The following PVALEF variants were observed in gnomAD, a reference collection of about 807,000 sequenced individuals.
PVALEF encodes the protein parvalbumin like EF-hand containing.
PVALEF carries 2 observed loss-of-function variants against 1.2 expected under a neutral mutation model. The ratio of observed to expected loss-of-function variants is 1.68; its 90% CI spans 0.69 to 5.28. The LOEUF (loss-of-function observed/expected upper bound fraction) is 5.28. Ranked by LOEUF, PVALEF falls within the 30% of genes most tolerant of loss-of-function variation. The pLI is 0.06. For synonymous variants in PVALEF, 16 were observed against 6.5 expected, an observed-to-expected ratio of 2.47 and a Z score of -2.24; for missense variants, 35 against 17.7, an observed-to-expected ratio of 1.97 and a Z score of -1.75.
Position 81,182,090 on chromosome 17 carries a change from A to G in PVALEF, c.358+9A>G. 1 of 398,738 alleles carries G rather than the reference A, an allele frequency of 2.5e-6. No homozygotes were observed. The highest frequency in any genetic ancestry group is 1.3e-4 in the South Asian group (1 of 7,864). 24.7% of individuals were successfully genotyped at this position (398,738 alleles called of 1,614,324 possible). On this transcript the variant is annotated intron_variant, in intron 6 of 6. Transcript: ENST00000637878. ...GAGGATCAACTACGAAGGTGGGGGC[A>G]GCACAGCCGGGGCACCCTCAGGACC...
chr17:81,181,563 C>T lies in PVALEF; in HGVS notation c.111C>T (p.Ser37=). Residue 37 remains serine (S), a synonymous_variant, in exon 5 of 7, where the codon TCC becomes TCT. Coordinates refer to ENST00000637878, the MANE Select transcript of PVALEF (RefSeq NM_001354639.2). ...LLPTDMRHHG[S]FNYLKFFKHI... is the part of the protein sequence containing the mutation. Reference sequence around the variant, plus strand: ...AGCCCCGCCTGGTTGCCCCAGGGTCCTTCAACTACCTCAAGTTCTTCAAGC... The same window carrying T: ...AGCCCCGCCTGGTTGCCCCAGGGTCTTTCAACTACCTCAAGTTCTTCAAGC... 2.2e-6 allele frequency: 1 copy of T among 451,184 alleles called. No individual in the cohort carries two copies. 27.9% of individuals were successfully genotyped at this position (451,184 alleles called of 1,614,324 possible). A position where few individuals can be genotyped will look rare whatever the true frequency, so the allele number is the denominator to read the frequency against.
intron 2 of PVALEF, among the ~76,000 whole-genome samples, chr17:81,170,505 G>T (rs566756836): frequency 6.6e-6 from 1 of 152,150 alleles, no homozygotes; most frequent in East Asian, 1.9e-4. Context: ...CAGGTATCAG[G>T]GTCAGGACTT....
chr17:81,177,192 G>T (rs2061538519), intron 2 of PVALEF, among the ~76,000 whole-genome samples: 1 of 137,974 alleles, frequency 7.2e-6, no homozygotes. Context: ...CTCCCAAAGT[G>T]CTGGGATTGC....
At position 81,183,125 on chromosome 17, in the gene PVALEF, C is replaced by T; in HGVS notation, c.*114C>T. On this transcript the variant is annotated 3_prime_UTR_variant, in exon 7 of 7. Coordinates refer to ENST00000637878, the MANE Select transcript of PVALEF (RefSeq NM_001354639.2). ...GAGGCGGCAGCCGTGAGGGTGGACC[C>T]AGCTTTTGAAGGAAAATGGAAGAAA... The T allele has an allele frequency of 2.5e-6, 1 of 398,140 alleles. No homozygotes were observed. Among genetic ancestry groups the T allele is most frequent in the East Asian group, 3.6e-5 (1 of 28,046 alleles). The allele number at this position is 398,140 out of a possible 1,614,324, so 24.7% of individuals were successfully genotyped here. A position where few individuals can be genotyped will look rare whatever the true frequency, so the allele number is the denominator to read the frequency against.
chr17:81,165,907 C>CG (rs2061484699), intron 1 of PVALEF, 160 bp downstream of exon 1: 1 of 1,562,900 alleles, frequency 6.4e-7, no homozygotes, highest in African/African-American at 1.4e-5. Context: ...AGGGAGGCAG[C>CG]GGCGCGCAGG....
chr17:81,173,001 G>A (rs957472685), intron 2 of PVALEF, among the ~76,000 whole-genome samples: 3 of 152,134 alleles, frequency 2.0e-5, no homozygotes, highest in Non-Finnish European at 2.9e-5. Context: ...CTTCACTGTC[G>A]TTATTGGGGT....
intron 1 of PVALEF, 41 bp downstream of exon 1, chr17:81,165,788 G>C: frequency 2.7e-6 from 4 of 1,504,216 alleles, no homozygotes; most frequent in Non-Finnish European, 3.6e-6. Context: ...CGAGATCTGG[G>C]GCCGCCAGGG....
Position 81,165,528 on chromosome 17 carries a change from G to A in PVALEF, c.-727G>A. The stretch of plus-strand genomic sequence containing the variant: ...CTGAGAATCGCTCCCAGCCTGGGAA[G>A]AAGCCTCCCACGCCAGGGCCCCGGA... On this transcript the variant is annotated 5_prime_UTR_variant, in exon 1 of 7. Transcript: ENST00000637878. 1.3e-6 allele frequency: 1 copy of A among 794,950 alleles called. No individual in the cohort carries two copies. The highest frequency in any genetic ancestry group is 1.8e-6 in the Non-Finnish European group (1 of 547,544). 49.2% of individuals were successfully genotyped at this position (794,950 alleles called of 1,614,324 possible).
rs568462471 is a variant in PVALEF, at chr17:81,172,762, T to TCAAAA, written c.-340+5939_-340+5943dup. Among the ~76,000 whole-genome samples the TCAAAA allele has an allele frequency of 3.0e-4, 46 of 151,792 alleles. No individual in the cohort carries two copies. In the East Asian group the frequency reaches 6.2e-3, roughly 21 times the overall value. On this transcript the variant is annotated intron_variant, in intron 2 of 6. Transcript: ENST00000637878. The stretch of plus-strand genomic sequence containing the variant: ...CTGGGCGACAGAGCGAGACTCTGTC[T>TCAAAA]CAAAACAAAACAAAACAAAACAAAA...
chr17:81,177,233 T>A (rs1598250059), intron 2 of PVALEF, among the ~76,000 whole-genome samples: 1 of 74,324 alleles, frequency 1.3e-5, no homozygotes, highest in African/African-American at 4.8e-5. Flanking sequence ...GGCTTGAAAC[T>A]CCATCTCAAA....
At chr17:81,170,758 G>T (rs947741159) in intron 2 of PVALEF, among the ~76,000 whole-genome samples, 2 of 152,166 alleles carry the variant, frequency 1.3e-5, no homozygotes, top group African/African-American at 4.8e-5. Context: ...GAGCCCCAAG[G>T]ATGCCCCTGC....
In PVALEF at chr17:81,166,766, A is replaced by G. The variant is rs1055718285; in HGVS notation, c.-418A>G. On this transcript the variant is annotated 5_prime_UTR_variant, in exon 2 of 7. Coordinates refer to ENST00000637878, the MANE Select transcript of PVALEF (RefSeq NM_001354639.2). Reference sequence around the variant, plus strand: ...AGTGGGGGTGGCTGGCTTTGCACACAGGCCTGCTCCTGTACCGTGCTGCGA... The same window carrying G: ...AGTGGGGGTGGCTGGCTTTGCACACGGGCCTGCTCCTGTACCGTGCTGCGA... The G allele has an allele frequency of 6.8e-5, 31 of 456,588 alleles. 1 individual carries two copies. The highest frequency in any genetic ancestry group is 5.8e-4 in the African/African-American group (29 of 50,048). The allele number at this position is 456,588 out of a possible 1,614,324, so 28.3% of individuals were successfully genotyped here.
chr17:81,177,335 G>A (rs1230384177), intron 2 of PVALEF, among the ~76,000 whole-genome samples: 1 of 151,198 alleles, frequency 6.6e-6, no homozygotes, highest in Non-Finnish European at 1.5e-5. Flanking sequence ...ATCACCTGAG[G>A]TCAGGAGTTC....
intron 3 of PVALEF, among the ~76,000 whole-genome samples, chr17:81,180,414 T>G (rs2061549800): frequency 6.6e-6 from 1 of 151,942 alleles, no homozygotes; most frequent in Non-Finnish European, 1.5e-5. Context: ...GGGCGGGGCC[T>G]GTCCTGAGGG....
Position 81,180,876 on chromosome 17 carries a change from G to A in PVALEF, c.-104-247G>A, listed in dbSNP as rs538734219. The stretch of plus-strand genomic sequence containing the variant: ...GAGGGCCAAGAAGCCCAGGACACCC[G>A]CTTCCCCTTGCGCTCTGAGATAGCT... On this transcript the variant is annotated intron_variant, in intron 3 of 6. Transcript: ENST00000637878. Among the ~76,000 whole-genome samples, 10 of 152,110 alleles carry A rather than the reference G, an allele frequency of 6.6e-5. No homozygotes were observed. In the South Asian group the frequency reaches 1.2e-3, roughly 19 times the overall value.
rs150308088 is a variant in PVALEF at position 81,182,294 on chromosome 17, G to C, written c.358+213G>C. ...CAGGAGGGCTTTGGGAAGGCCAACT[G>C]TGGCAGAGCCAGCGGGTATGGGGTC... On this transcript the variant is annotated intron_variant, in intron 6 of 6. Transcript: ENST00000637878. 5.4e-3 allele frequency among the ~76,000 whole-genome samples: 828 copies of C among 152,356 alleles called. 11 individuals carry two copies. Among genetic ancestry groups the C allele is most frequent in the South Asian group, 7.0e-3 (34 of 4,834 alleles).
intron 1 of PVALEF, among the ~76,000 whole-genome samples, 166 bp from the exon 2 acceptor site, chr17:81,166,511 G>GGGA (rs2061493918): frequency 9.6e-6 from 1 of 103,704 alleles, no homozygotes; most frequent in Non-Finnish European, 2.2e-5. Context: ...GGCGGGGGGG[G>GGGA]GGGAAACGGA....
At chr17:81,165,883 C>A in intron 1 of PVALEF, 136 bp downstream of exon 1, 3 of 1,549,724 alleles carry the variant, frequency 1.9e-6, no homozygotes, top group Non-Finnish European at 1.7e-6. Flanking sequence ...CCAGGGGCAT[C>A]ACGTCCGCAG....
intron 2 of PVALEF, among the ~76,000 whole-genome samples, chr17:81,169,983 T>C (rs2061513739): frequency 1.4e-5 from 2 of 139,110 alleles, no homozygotes; most frequent in East Asian, 2.3e-4. Flanking sequence ...TACATGTGTG[T>C]GCATGTGTGT....
Sources: gnomAD v4.1 joint callset for allele counts (sites outside exome capture counted in the v4.1 genomes callset) on GRCh38, gnomAD v4.1.1 for gene constraint, MANE v1.5 for transcripts, NCBI Gene and HGNC (gene_info 2026-07-23, HGNC 2026-07-21) for gene names.